TRPC5: variants seen among roughly 807,000 people sequenced by gnomAD.
The protein encoded by TRPC5 is short transient receptor potential channel 5.
TRPC5 carries 9 observed loss-of-function variants against 56.5 expected under a neutral mutation model. The observed-to-expected ratio is 0.16, with a 90% confidence interval of 0.10 to 0.28. The LOEUF is 0.28. Ranked by LOEUF, TRPC5 falls within the 10% of genes least tolerant of loss-of-function variation. The pLI is 1.00. For missense variants in TRPC5, 469 were observed against 748.9 expected (o/e 0.63, Z 4.36); for synonymous variants, 282 against 278.5 (o/e 1.01, Z -0.13).
intron 3 of TRPC5, among the ~76,000 whole-genome samples, chrX:111,884,472 G>A (rs1442707819): frequency 1.8e-5 from 2 of 112,902 alleles, no homozygotes; most frequent in Non-Finnish European, 3.7e-5. Context: ...TTAAAGTGTA[G>A]CAATGGCCTG....
intron 3 of TRPC5, among the ~76,000 whole-genome samples, chrX:111,863,251 C>G (rs930795408): frequency 8.0e-5 from 9 of 111,861 alleles, no homozygotes; most frequent in African/African-American, 2.9e-4. Context: ...ATTACATGGA[C>G]TCAGGTGGAG....
At chrX:111,932,678 A>G (rs776572049) in intron 2 of TRPC5, among the ~76,000 whole-genome samples, 1 of 111,656 alleles carries the variant, frequency 9.0e-6, no homozygotes, top group South Asian at 3.9e-4. Flanking sequence ...CAAGGTCCCA[A>G]CTAAACAGCC....
chrX:111,975,917 AAAC>A (rs1400258501), intron 1 of TRPC5, among the ~76,000 whole-genome samples: 4 of 111,407 alleles, frequency 3.6e-5, no homozygotes, highest in Non-Finnish European at 3.8e-5. Flanking sequence ...AAGAAAAACA[AAAC>A]AACAACAACA....
At chrX:111,822,419 A>G (rs903193333) in intron 7 of TRPC5, among the ~76,000 whole-genome samples, 1 of 112,423 alleles carries the variant, frequency 8.9e-6, no homozygotes, top group Non-Finnish European at 1.9e-5. Context: ...TTGAGATGCT[A>G]AACTTTATGT....
intron 1 of TRPC5, among the ~76,000 whole-genome samples, chrX:111,992,792 A>G (rs1454376938): frequency 9.1e-6 from 1 of 109,381 alleles, no homozygotes; most frequent in Non-Finnish European, 1.9e-5. Flanking sequence ...TAGTAGAGAC[A>G]GGGTTTCACT....
chrX:111,843,733 T>C (rs1922826712), intron 6 of TRPC5, among the ~76,000 whole-genome samples: 1 of 110,153 alleles, frequency 9.1e-6, no homozygotes, highest in African/African-American at 3.3e-5. Flanking sequence ...ATGCAACAGG[T>C]ATTTAGAAAG....
In TRPC5 at chrX:111,773,623, C is replaced by A. The variant is rs915947722; in HGVS notation, c.*2690G>T. On this transcript the variant is annotated 3_prime_UTR_variant, in exon 11 of 11. Transcript: ENST00000262839. ...ATATATGCTTACTAATAAATGTCTT[C>A]TATAATCTAGAAGACTTGAGTTTAT... Among the ~76,000 whole-genome samples, 1 of 111,371 alleles carries A rather than the reference C, an allele frequency of 9.0e-6. No individual in the cohort carries two copies. The highest frequency in any genetic ancestry group is 9.6e-5 in the Admixed American group (1 of 10,430).
At chrX:111,875,572 CTT>C (rs771241425) in intron 3 of TRPC5, among the ~76,000 whole-genome samples, 17 of 70,459 alleles carry the variant, frequency 2.4e-4, no homozygotes, top group African/African-American at 5.8e-4. Context: ...TTTTTTCTTT[CTT>C]TTTTTTTTTT....
chrX:111,781,294 A>G lies in TRPC5; in HGVS notation c.2101-88T>C, dbSNP rs994814092. ...CATCTGAATATAATTATTTCTATATATTAGGACTAGAGAATGCTACAGGAG... is the reference window on the plus strand; with the variant it reads ...CATCTGAATATAATTATTTCTATATGTTAGGACTAGAGAATGCTACAGGAG... On this transcript the variant is annotated intron_variant, in intron 8 of 10. Transcript: ENST00000262839. 3.5e-6 allele frequency: 3 copies of G among 848,613 alleles called. No homozygotes were observed. In the East Asian group the frequency reaches 9.7e-5, roughly 28 times the overall value. 69.9% of individuals were successfully genotyped at this position (848,613 alleles called of 1,213,427 possible). A position where few individuals can be genotyped will look rare whatever the true frequency, so the allele number is the denominator to read the frequency against.
intron 3 of TRPC5, among the ~76,000 whole-genome samples, chrX:111,861,367 G>A (rs754698111): frequency 1.8e-5 from 2 of 111,743 alleles, no homozygotes; most frequent in African/African-American, 6.5e-5. Context: ...TTTATTTGCA[G>A]GATTAGTTTT....
intron 3 of TRPC5, among the ~76,000 whole-genome samples, chrX:111,868,790 T>C (rs1923627453): frequency 1.8e-5 from 2 of 111,877 alleles, no homozygotes; most frequent in African/African-American, 3.3e-5. Flanking sequence ...TAAGGGCCTT[T>C]CTGGGAGGTT....
intron 7 of TRPC5, among the ~76,000 whole-genome samples, chrX:111,813,675 A>G (rs1921777906): frequency 8.9e-6 from 1 of 112,518 alleles, no homozygotes; most frequent in Non-Finnish European, 1.9e-5. Context: ...GCAAAAGCAG[A>G]GCTAATGATA....
chrX:111,816,646 G>C (rs764094917), intron 7 of TRPC5, among the ~76,000 whole-genome samples: 7 of 111,959 alleles, frequency 6.3e-5, no homozygotes, highest in South Asian at 3.8e-4. Flanking sequence ...CATCTTGTCA[G>C]TTTCAATTTT....
Position 111,990,152 on chromosome X carries a change from T to A in TRPC5, c.-21-37711A>T, listed in dbSNP as rs775523423. Among the ~76,000 whole-genome samples, 12 of 112,550 alleles carry A rather than the reference T, an allele frequency of 1.1e-4. No homozygotes were observed. In the East Asian group the frequency reaches 3.1e-3, roughly 29 times the overall value. ...TGGCTTTGCAGCCGGGTGTAGTGGC[T>A]CATGCCTCTAATCCCAGCACTTTGG... On this transcript the variant is annotated intron_variant, in intron 1 of 10. Transcript: ENST00000262839.
intron 1 of TRPC5, among the ~76,000 whole-genome samples, chrX:112,057,257 T>G (rs1239913738): frequency 9.0e-6 from 1 of 111,714 alleles, no homozygotes; most frequent in Non-Finnish European, 1.9e-5. Flanking sequence ...AAGTTTTGTC[T>G]TCCCATCAAT....
intron 6 of TRPC5, among the ~76,000 whole-genome samples, chrX:111,839,952 C>T (rs893270967): frequency 3.6e-4 from 40 of 111,428 alleles, no homozygotes; most frequent in African/African-American, 1.2e-3. Context: ...GGGTGGATCA[C>T]GAGGTCAGGA....
intron 1 of TRPC5, among the ~76,000 whole-genome samples, chrX:111,964,186 T>C (rs1476271444): frequency 2.7e-5 from 3 of 111,778 alleles, no homozygotes; most frequent in Non-Finnish European, 5.6e-5. Context: ...TGCAGAAGCC[T>C]CAGGAGCTGA....
At chrX:111,839,213 CT>C (rs1008033408) in intron 6 of TRPC5, among the ~76,000 whole-genome samples, 2 of 111,486 alleles carry the variant, frequency 1.8e-5, no homozygotes, top group African/African-American at 6.5e-5. Context: ...CTGTCTAATT[CT>C]TGTTTGACCT....
intron 1 of TRPC5, among the ~76,000 whole-genome samples, chrX:111,986,903 A>G (rs932649773): frequency 9.0e-6 from 1 of 111,708 alleles, no homozygotes; most frequent in African/African-American, 3.3e-5. Context: ...CCTTCAGGGC[A>G]CATATAGAAG....
Sources: gnomAD v4.1 joint callset for allele counts (sites outside exome capture counted in the v4.1 genomes callset) on GRCh38, gnomAD v4.1.1 for gene constraint, MANE v1.5 for transcripts, NCBI Gene and HGNC (gene_info 2026-07-23, HGNC 2026-07-21) for gene names.